Variants in CNNM4 observed in about 807,000 individuals in gnomAD.
CNNM4 encodes metal transporter CNNM4.
A neutral mutation model predicts 53.7 loss-of-function variants in CNNM4; 32 were observed. The ratio of observed to expected loss-of-function variants is 0.60; its 90% CI spans 0.45 to 0.80. The LOEUF (loss-of-function observed/expected upper bound fraction) is 0.80, where lower values mean the gene tolerates loss of function less well. CNNM4 is among the 30% of genes least tolerant of loss of function. CNNM4 has a pLI of 0.00. For missense variants in CNNM4, 784 were observed against 1,022.0 expected (o/e 0.77, Z 3.17); for synonymous variants, 410 against 440.0 (o/e 0.93, Z 0.85).
Position 96,761,011 on chromosome 2 carries a change from G to C in CNNM4, c.12G>C (p.Val4=), listed in dbSNP as rs952490981. ...AGAGCCAGAGCAACATGGCGCCGGT[G>C]GGCGGGGGCGGGCGCCCGGTCGGCG... MAP[V]GGGGRPVGGP... The change falls in exon 1 of 7, where the codon GTG becomes GTC. Residue 4 remains valine (V), a synonymous_variant. Transcript: ENST00000377075. The surrounding 1 kb of genome is among the most constrained non-coding windows in gnomAD (Gnocchi z 6.0). 3.4e-6 allele frequency: 4 copies of C among 1,170,836 alleles called. No individual in the cohort carries two copies. Among genetic ancestry groups the C allele is most frequent in the Non-Finnish European group, 4.2e-6 (4 of 948,554 alleles). The allele number at this position is 1,170,836 out of a possible 1,614,324, so 72.5% of individuals were successfully genotyped here. A position where few individuals can be genotyped will look rare whatever the true frequency, so the allele number is the denominator to read the frequency against.
intron 1 of CNNM4, among the ~76,000 whole-genome samples, chr2:96,794,465 T>G (rs1285368401): frequency 3.3e-5 from 5 of 152,162 alleles, no homozygotes; most frequent in Non-Finnish European, 7.3e-5. Flanking sequence ...GATGGCTCCA[T>G]GCATTCTGTT....
At chr2:96,765,859 A>C (rs1446242038) in intron 1 of CNNM4, among the ~76,000 whole-genome samples, 1 of 147,680 alleles carries the variant, frequency 6.8e-6, no homozygotes, top group Non-Finnish European at 1.5e-5. Flanking sequence ...CAATGGCACC[A>C]TCTCGGCTCA....
Position 96,774,960 on chromosome 2 carries a change from C to CAAAAAAAAA in CNNM4, c.1402+12589_1402+12597dup, listed in dbSNP as rs56997097. Among the ~76,000 whole-genome samples the CAAAAAAAAA allele has an allele frequency of 6.2e-4, 11 of 17,688 alleles. 3 individuals carry two copies. Among genetic ancestry groups the CAAAAAAAAA allele is most frequent in the Non-Finnish European group, 1.3e-3 (11 of 8,398 alleles). 11.6% of individuals were successfully genotyped at this position (17,688 alleles called of 152,430 possible). On this transcript the variant is annotated intron_variant, in intron 1 of 6. Coordinates refer to ENST00000377075, the MANE Select transcript of CNNM4 (RefSeq NM_020184.4). Reference sequence around the variant, plus strand: ...TGGGAGACAGAGTGAGACTCCATCTCAAAAAAAAAAAAAAAAAAAAAAAAA... The same window carrying CAAAAAAAAA: ...TGGGAGACAGAGTGAGACTCCATCTCAAAAAAAAAAAAAAAAAAAAAAAAAAAAAAAAAA...
chr2:96,766,033 C>T (rs1574051313), intron 1 of CNNM4, among the ~76,000 whole-genome samples: 1 of 151,496 alleles, frequency 6.6e-6, no homozygotes, highest in East Asian at 1.9e-4. Context: ...ATCCACCCAC[C>T]TCAGCCTCCC....
intron 4 of CNNM4, 39 bp from the exon 5 acceptor site, chr2:96,799,513 C>G (rs183270692): frequency 1.3e-6 from 2 of 1,519,064 alleles, no homozygotes; most frequent in Non-Finnish European, 1.8e-6. Context: ...TTGTTTCCTC[C>G]CTCACTTGGT....
intron 5 of CNNM4, among the ~76,000 whole-genome samples, chr2:96,806,529 A>ACGCG (rs1171614187): frequency 2.1e-4 from 30 of 142,276 alleles, no homozygotes; most frequent in African/African-American, 2.9e-4. Context: ...ACACACACAC[A>ACGCG]CACACACGCG....
chr2:96,774,415 AAAAATTTTTTTTAAATT>A (rs1417053541), intron 1 of CNNM4, among the ~76,000 whole-genome samples: 3 of 152,184 alleles, frequency 2.0e-5, no homozygotes, highest in African/African-American at 7.2e-5. Flanking sequence ...CCCTGTGTTT[AAAAATTTTTTTTAAATT>A]AAAAAGTTAA....
At chr2:96,786,018 T>C (rs575158272) in intron 1 of CNNM4, among the ~76,000 whole-genome samples, 3 of 150,010 alleles carry the variant, frequency 2.0e-5, no homozygotes, top group East Asian at 4.0e-4. Flanking sequence ...ACCCAGGAGG[T>C]GGAGCTTGCA....
In CNNM4 at chr2:96,808,835, A is replaced by C; in HGVS notation, c.2130+93A>C. On this transcript the variant is annotated intron_variant, in intron 6 of 6. Transcript: ENST00000377075. This position sits in a 1 kb window ranked among gnomAD's most constrained non-coding sequence, Gnocchi z 4.9. ...CACCAAACCCAGCATGGTGGGCCCA[A>C]ACCCGAGATGCCTTTTTCTTCTGGA... 1 of 1,279,750 alleles carries C rather than the reference A, an allele frequency of 7.8e-7. No homozygotes were observed. Among genetic ancestry groups the C allele is most frequent in the Non-Finnish European group, 1.1e-6 (1 of 889,576 alleles). 79.3% of individuals were successfully genotyped at this position (1,279,750 alleles called of 1,614,324 possible).
chr2:96,766,398 C>T (rs1477042450), intron 1 of CNNM4, among the ~76,000 whole-genome samples: 1 of 152,098 alleles, frequency 6.6e-6, no homozygotes, highest in Non-Finnish European at 1.5e-5. Context: ...TTAAACACAC[C>T]AGGATGCTCC....
intron 1 of CNNM4, among the ~76,000 whole-genome samples, chr2:96,765,457 C>T (rs2078808159): frequency 6.6e-6 from 1 of 152,198 alleles, no homozygotes; most frequent in East Asian, 1.9e-4. Flanking sequence ...GCACCAGAGT[C>T]AGAGCTGGGG....
At position 96,809,064 on chromosome 2, in the gene CNNM4, A is replaced by G. The variant is rs141935727; in HGVS notation, c.2131-256A>G. 6.2e-3 allele frequency among the ~76,000 whole-genome samples: 902 copies of G among 146,504 alleles called. 6 individuals carry two copies. In the Middle Eastern group the frequency reaches 0.08, roughly 13 times the overall value. On this transcript the variant is annotated intron_variant, in intron 6 of 6. Transcript: ENST00000377075. ...ACTGTGTTGCCCAAGTTGGCTTGAG[A>G]CTCCTGGGCTCAAGCGATTTGCCCG...
At chr2:96,805,137 C>T (rs1192731723) in intron 5 of CNNM4, among the ~76,000 whole-genome samples, 1 of 151,842 alleles carries the variant, frequency 6.6e-6, no homozygotes, top group African/African-American at 2.4e-5. Context: ...AAGTAATACC[C>T]CTAGTATTTC....
At position 96,809,469 on chromosome 2, in the gene CNNM4, C is replaced by G. The variant is rs749389500; in HGVS notation, c.2280C>G (p.Asn760Lys). 6.2e-7 allele frequency: 1 copy of G among 1,614,080 alleles called. No individual in the cohort carries two copies. The highest frequency in any genetic ancestry group is 8.5e-7 in the Non-Finnish European group (1 of 1,180,038). Reference protein sequence around the residue: ...PVVDETTTLLNERNSLLHKAS... With the variant: ...PVVDETTTLLKERNSLLHKAS... Reference sequence around the variant, plus strand: ...TGGACGAGACCACAACTCTTCTCAACGAGCGTAACTCCTTGCTGCACAAAG... The same window carrying G: ...TGGACGAGACCACAACTCTTCTCAAGGAGCGTAACTCCTTGCTGCACAAAG... Residue 760 changes from asparagine (N) to lysine (K), a missense_variant, in exon 7 of 7, where the codon AAC (asparagine) becomes AAG (lysine). By Grantham distance (94) the Asn-to-Lys change is moderately conservative. Around this residue, in one of 3 missense-constraint regions of CNNM4, gnomAD observed 307 missense variants for 376.3 expected, o/e 0.82. Transcript: ENST00000377075.
At chr2:96,796,401 C>G (rs116070893) in intron 1 of CNNM4, among the ~76,000 whole-genome samples, 2 of 151,958 alleles carry the variant, frequency 1.3e-5, no homozygotes, top group African/African-American at 2.4e-5. Flanking sequence ...CGCTTCAGCC[C>G]GTCCAAGGTG....
chr2:96,764,032 G>A (rs2078790393), intron 1 of CNNM4, among the ~76,000 whole-genome samples: 1 of 151,914 alleles, frequency 6.6e-6, no homozygotes, highest in Non-Finnish European at 1.5e-5. Flanking sequence ...GCTTAGTTGG[G>A]AACCTGATTA....
At chr2:96,780,109 A>C (rs1574064632) in intron 1 of CNNM4, among the ~76,000 whole-genome samples, 1 of 151,746 alleles carries the variant, frequency 6.6e-6, no homozygotes, top group Non-Finnish European at 1.5e-5. Context: ...CAGACTTGAC[A>C]TTTTATAGTA....
At chr2:96,783,824 G>A (rs1010748197) in intron 1 of CNNM4, among the ~76,000 whole-genome samples, 2 of 152,166 alleles carry the variant, frequency 1.3e-5, no homozygotes, top group South Asian at 4.1e-4. Context: ...ACAATGACAT[G>A]TTATGAAGTC....
At chr2:96,792,434 C>G (rs2079070053) in intron 1 of CNNM4, among the ~76,000 whole-genome samples, 1 of 151,990 alleles carries the variant, frequency 6.6e-6, no homozygotes, top group Admixed American at 6.6e-5. Flanking sequence ...CTTCGGCCTC[C>G]CTTCCCCTTC....
Sources: allele counts gnomAD v4.1 joint callset (sites outside exome capture counted in the v4.1 genomes callset), GRCh38; gene constraint gnomAD v4.1.1; regional missense constraint gnomAD v4.1.1; non-coding constraint Gnocchi (gnomAD v3.1); transcripts MANE v1.5; gene names NCBI Gene and HGNC (gene_info 2026-07-23, HGNC 2026-07-21).